The following RBM5 variants were observed in gnomAD, a reference collection of about 807,000 sequenced individuals.
RBM5 encodes the protein RNA binding motif protein 5.
A neutral mutation model predicts 124.6 loss-of-function variants in RBM5; 15 were observed. The ratio of observed to expected loss-of-function variants is 0.12; its 90% confidence interval spans 0.08 to 0.19. The LOEUF is 0.19. Ranked by LOEUF, RBM5 falls within the 10% of genes least tolerant of loss-of-function variation. RBM5 has a pLI of 1.00. For synonymous variants in RBM5, 337 were observed against 361.2 expected (o/e 0.93, Z 0.76); for missense variants, 580 against 1,026.5 (o/e 0.57, Z 5.94).
chr3:50,118,315 C>T lies in RBM5; in HGVS notation c.2323-16C>T. The T allele has an allele frequency of 6.2e-7, 1 of 1,614,014 alleles. No individual in the cohort carries two copies. The highest frequency in any genetic ancestry group is 8.5e-7 in the Non-Finnish European group (1 of 1,179,926). On this transcript the variant is annotated splice_polypyrimidine_tract_variant and intron_variant, in intron 24 of 24. Transcript: ENST00000347869. ...CATACCCTACCTCCCAGCTGACAGTCTCTGTGCTTTCCCAGGCTCAAGTTC... is the reference window on the plus strand; with the variant it reads ...CATACCCTACCTCCCAGCTGACAGTTTCTGTGCTTTCCCAGGCTCAAGTTC...
chr3:50,101,413 A>G (rs2108999108), intron 6 of RBM5: 1 of 152,340 alleles, frequency 6.6e-6, no homozygotes, highest in South Asian at 2.1e-4. Flanking sequence ...TGAGTCATCC[A>G]TGAATCCATG....
chr3:50,109,453 TCA>T (rs1390754271), intron 14 of RBM5, 148 bp from the exon 15 acceptor site: 2 of 655,124 alleles, frequency 3.1e-6, no homozygotes, highest in African/African-American at 1.8e-5. Flanking sequence ...AATGAAAATG[TCA>T]CAGATTCCAG....
At chr3:50,115,406 C>T in intron 20 of RBM5, 22 bp from the exon 21 acceptor site, 2 of 1,608,656 alleles carry the variant, frequency 1.2e-6, no homozygotes, top group Non-Finnish European at 1.7e-6. Flanking sequence ...TTTCCAGTGA[C>T]CTGTCCTCCT....
At chr3:50,093,629 A>G (rs2108987138) in intron 3 of RBM5, 91 bp from the exon 4 acceptor site, 1 of 1,414,580 alleles carries the variant, frequency 7.1e-7, no homozygotes, top group Non-Finnish European at 9.7e-7. Flanking sequence ...ATCTCTGTAC[A>G]CTTCCTGCTA....
At chr3:50,107,442 A>G in intron 11 of RBM5, 40 bp from the exon 12 acceptor site, 1 of 1,451,264 alleles carries the variant, frequency 6.9e-7, no homozygotes, top group Non-Finnish European at 9.7e-7. Flanking sequence ...TTGTGGGAAT[A>G]CTGTGATAGA....
intron 2 of RBM5, 70 bp from the exon 3 acceptor site, chr3:50,091,973 A>G (rs762357814): frequency 1.3e-6 from 2 of 1,514,956 alleles, no homozygotes; most frequent in Admixed American, 3.3e-5. Flanking sequence ...GGCCGTGTGT[A>G]TTTTTAACTA....
chr3:50,089,830 T>C (rs2090671925), intron 1 of RBM5: 1 of 154,490 alleles, frequency 6.5e-6, no homozygotes, highest in African/African-American at 2.4e-5. Flanking sequence ...GTGGTGGTTA[T>C]TGTTACCTAG....
chr3:50,115,229 AC>A, intron 20 of RBM5, 198 bp from the exon 21 acceptor site: 1 of 558,770 alleles, frequency 1.8e-6, no homozygotes. Flanking sequence ...GAAGGTTGGT[AC>A]CAGGAGGCTG....
intron 6 of RBM5, chr3:50,102,518 T>G (rs948143315): frequency 1.3e-5 from 2 of 152,632 alleles, no homozygotes; most frequent in African/African-American, 4.8e-5. Flanking sequence ...TTCAGAATAG[T>G]CCCTCTTGAG....
At chr3:50,099,842 A>G (rs1467828338) in intron 4 of RBM5, 140 bp from the exon 5 acceptor site, 3 of 656,308 alleles carry the variant, frequency 4.6e-6, no homozygotes, top group African/African-American at 1.9e-5. Context: ...AGCCTGGGCA[A>G]TCAAGTGAGT....
rs1394922483 is a variant in RBM5, at chr3:50,107,520, T to A, written c.992T>A (p.Phe331Tyr). Reference protein sequence around the residue: ...VLSDGNRVSAFSVASTAIAAA... With the variant: ...VLSDGNRVSAYSVASTAIAAA... ...TCAGATGGTAACCGCGTCAGCGCTT[T>A]CTCTGTAGCTAGTACGGCTATTGCT... The change falls in exon 12 of 25, where the codon TTC (phenylalanine) becomes TAC (tyrosine). Residue 331 changes from phenylalanine (F) to tyrosine (Y), a missense_variant. By Grantham distance (22) the Phe-to-Tyr change is conservative. Transcript: ENST00000347869. 5.0e-6 allele frequency: 8 copies of A among 1,610,408 alleles called. No individual in the cohort carries two copies. Among genetic ancestry groups the A allele is most frequent in the Non-Finnish European group, 6.8e-6 (8 of 1,176,810 alleles).
intron 17 of RBM5, 136 bp from the exon 18 acceptor site, chr3:50,113,247 A>G (rs758551046): frequency 2.4e-5 from 19 of 776,172 alleles, no homozygotes; most frequent in Non-Finnish European, 3.4e-5. Flanking sequence ...ACTTATACCA[A>G]GGTGTGCCCA....
intron 10 of RBM5, among the ~76,000 whole-genome samples, chr3:50,106,118 ATTTTTTT>A (rs61297967): frequency 2.3e-3 from 76 of 32,728 alleles, no homozygotes; most frequent in African/African-American, 5.4e-3. Flanking sequence ...ACGCCCAGCT[ATTTTTTT>A]TTTTTTTTTT....
chr3:50,110,548 G>A, intron 16 of RBM5, 85 bp downstream of exon 16: 1 of 1,445,162 alleles, frequency 6.9e-7, no homozygotes, highest in South Asian at 1.2e-5. Flanking sequence ...CCCTTTGCGG[G>A]TGTCAGAGGG....
At chr3:50,115,222 G>A (rs1217086180) in intron 20 of RBM5, 7 of 541,100 alleles carry the variant, frequency 1.3e-5, no homozygotes, top group Non-Finnish European at 2.2e-5. Context: ...GCTCCAAGAA[G>A]GTTGGTACCA....
At chr3:50,101,748 G>C (rs1035547518) in intron 6 of RBM5, 1 of 152,166 alleles carries the variant, frequency 6.6e-6, no homozygotes, top group African/African-American at 2.4e-5. Context: ...ACATTTAAAA[G>C]TCTCCACAAT....
chr3:50,105,776 A>G (rs1457810677), intron 10 of RBM5, 67 bp downstream of exon 10: 7 of 1,547,458 alleles, frequency 4.5e-6, no homozygotes, highest in Middle Eastern at 1.8e-4. Flanking sequence ...TGGTTCATCC[A>G]GTTTTGAAAC....
chr3:50,107,667 C>CTTTTA, intron 12 of RBM5, 98 bp downstream of exon 12: 1 of 135,134 alleles, frequency 7.4e-6, no homozygotes, highest in Non-Finnish European at 1.3e-5. Flanking sequence ...GAGCTCTTTT[C>CTTTTA]TTTTCTTTTT....
intron 12 of RBM5, 60 bp downstream of exon 12, chr3:50,107,629 G>A (rs2091058275): frequency 3.6e-6 from 4 of 1,105,414 alleles, no homozygotes; most frequent in East Asian, 2.5e-5. Flanking sequence ...ATTCACAGAC[G>A]TGACCTCTCC....
Sources: allele counts gnomAD v4.1 joint callset (sites outside exome capture counted in the v4.1 genomes callset), GRCh38; gene constraint gnomAD v4.1.1; transcripts MANE v1.5; gene names NCBI Gene and HGNC (gene_info 2026-07-23, HGNC 2026-07-21).